L3MBTL4: variants seen among roughly 807,000 people sequenced by gnomAD.
The protein encoded by L3MBTL4 is lethal(3)malignant brain tumor-like protein 4.
L3MBTL4 carries 70 observed loss-of-function variants against 84.5 expected under a neutral mutation model. The ratio of observed to expected loss-of-function variants is 0.83; its 90% CI spans 0.68 to 1.01. The LOEUF is 1.01. Among genes scored for constraint, L3MBTL4 ranks in the 50% least tolerant of loss-of-function variants. The pLI is 0.00. For synonymous variants in L3MBTL4, 274 were observed against 259.8 expected, an observed-to-expected ratio of 1.05 and a Z score of -0.52; for missense variants, 715 against 754.8, an observed-to-expected ratio of 0.95 and a Z score of 0.62.
intron 9 of L3MBTL4, 36 bp downstream of exon 9, chr18:6,239,682 G>A (rs1433614488): frequency 6.3e-7 from 1 of 1,598,820 alleles, no homozygotes; most frequent in East Asian, 2.2e-5. Flanking sequence ...TCAAACATAT[G>A]AATACACAAA....
intron 1 of L3MBTL4, among the ~76,000 whole-genome samples, chr18:6,350,230 AAAG>A (rs1175332627): frequency 2.6e-5 from 4 of 152,238 alleles, no homozygotes; most frequent in African/African-American, 9.6e-5. Flanking sequence ...GCAAGCAACC[AAAG>A]AATAAGTAAA....
chr18:6,407,393 A>AG (rs944182971), intron 1 of L3MBTL4, among the ~76,000 whole-genome samples: 8 of 151,488 alleles, frequency 5.3e-5, no homozygotes, highest in African/African-American at 2.0e-4. Flanking sequence ...TAGAAGAGAA[A>AG]GGGGAAAAAA....
chr18:6,279,781 G>C (rs183581475), intron 4 of L3MBTL4, among the ~76,000 whole-genome samples: 1 of 152,268 alleles, frequency 6.6e-6, no homozygotes, highest in African/African-American at 2.4e-5. Context: ...CCACCTATAT[G>C]AGATGGCAGT....
At chr18:6,276,285 A>T (rs1366799073) in intron 4 of L3MBTL4, among the ~76,000 whole-genome samples, 1 of 152,162 alleles carries the variant, frequency 6.6e-6, no homozygotes, top group Admixed American at 6.5e-5. Flanking sequence ...TGTCATCAGG[A>T]CCTCCTGAGG....
rs567763557 is a variant in L3MBTL4, at chr18:5,964,894, A to C, written c.1614+4499T>G. The stretch of plus-strand genomic sequence containing the variant: ...ATTCATGAACTCATCTACTCACTCG[A>C]ACATTTGTCAAACACCTCTTCTGTG... On this transcript the variant is annotated intron_variant, in intron 17 of 18. Transcript: ENST00000317931. Among the ~76,000 whole-genome samples, 3 of 152,324 alleles carry C rather than the reference A, an allele frequency of 2.0e-5. No individual in the cohort carries two copies. The East Asian group carries it at 5.8e-4, about 29-fold the overall frequency.
intron 16 of L3MBTL4, among the ~76,000 whole-genome samples, chr18:6,016,527 T>C (rs2054989804): frequency 6.6e-6 from 1 of 152,134 alleles, no homozygotes; most frequent in Non-Finnish European, 1.5e-5. Context: ...TTGTGGCCCA[T>C]GAAGGCCAGG....
chr18:6,320,567 C>A (rs1271496921), intron 1 of L3MBTL4, among the ~76,000 whole-genome samples: 2 of 151,870 alleles, frequency 1.3e-5, no homozygotes, highest in African/African-American at 4.8e-5. Context: ...ATGAAGAGAA[C>A]TAAAAAACAC....
intron 13 of L3MBTL4, among the ~76,000 whole-genome samples, chr18:6,154,061 C>A (rs59961872): frequency 0.03 from 4,612 of 152,208 alleles, 257 homozygotes; most frequent in African/African-American, 0.11. Context: ...TCTTTTTCTT[C>A]TCTAATTACT....
chr18:6,316,581 G>C (rs947954967), intron 1 of L3MBTL4, among the ~76,000 whole-genome samples: 4 of 152,170 alleles, frequency 2.6e-5, no homozygotes, highest in African/African-American at 9.7e-5. Flanking sequence ...AGCCTTTCTG[G>C]AACACTTTAG....
At chr18:6,309,155 G>A (rs1434469150) in intron 3 of L3MBTL4, among the ~76,000 whole-genome samples, 1 of 152,160 alleles carries the variant, frequency 6.6e-6, no homozygotes, top group Non-Finnish European at 1.5e-5. Context: ...AACGTCGCTT[G>A]TAAACCAGAA....
chr18:6,020,119 A>C (rs2055182699), intron 16 of L3MBTL4, among the ~76,000 whole-genome samples: 1 of 152,156 alleles, frequency 6.6e-6, no homozygotes, highest in South Asian at 2.1e-4. Flanking sequence ...AGAGTATAAT[A>C]AATGCTATGA....
At chr18:5,994,416 A>C (rs1239597223) in intron 16 of L3MBTL4, among the ~76,000 whole-genome samples, 2 of 152,126 alleles carry the variant, frequency 1.3e-5, no homozygotes, top group Non-Finnish European at 2.9e-5. Context: ...TACTTACCTT[A>C]GATGCTCACA....
rs548515287 is a variant in L3MBTL4, at chr18:5,976,943, C to T, written c.1445-7381G>A. The stretch of plus-strand genomic sequence containing the variant: ...CTGTTTCCTTACCAGGTCTTGTGTC[C>T]TGGCAGGGAGGACTGAGGGAACCGA... On this transcript the variant is annotated intron_variant, in intron 16 of 18. Coordinates refer to ENST00000317931, the MANE Select transcript of L3MBTL4 (RefSeq NM_001330559.2). Among the ~76,000 whole-genome samples the T allele has an allele frequency of 2.6e-5, 4 of 152,248 alleles. No individual in the cohort carries two copies. The East Asian group carries it at 7.7e-4, about 29-fold the overall frequency.
chr18:6,276,435 C>T (rs1014362322), intron 4 of L3MBTL4, among the ~76,000 whole-genome samples: 3 of 152,114 alleles, frequency 2.0e-5, no homozygotes, highest in Non-Finnish European at 2.9e-5. Context: ...ATGGTTCTTG[C>T]CCCTAAAGAG....
chr18:6,192,763 C>A (rs1471144898), intron 12 of L3MBTL4, among the ~76,000 whole-genome samples: 1 of 151,968 alleles, frequency 6.6e-6, no homozygotes, highest in East Asian at 1.9e-4. Flanking sequence ...GTCTCTCTAG[C>A]CATGCCTCAC....
At chr18:5,991,760 C>T (rs888672192) in intron 16 of L3MBTL4, among the ~76,000 whole-genome samples, 28 of 152,090 alleles carry the variant, frequency 1.8e-4, no homozygotes, top group African/African-American at 6.8e-4. Flanking sequence ...TTGGGAGATA[C>T]TTCTGTTCTG....
chr18:6,281,884 C>G (rs1264421946), intron 4 of L3MBTL4, among the ~76,000 whole-genome samples: 1 of 152,170 alleles, frequency 6.6e-6, no homozygotes, highest in Non-Finnish European at 1.5e-5. Context: ...TAAAAACTGG[C>G]TTTAGATAAC....
rs1236174633 is a variant in L3MBTL4, at chr18:6,273,588, C to T, written c.128-9550G>A. Among the ~76,000 whole-genome samples, 4 of 152,128 alleles carry T rather than the reference C, an allele frequency of 2.6e-5. 1 individual carries two copies. The highest frequency in any genetic ancestry group is 2.0e-4 in the Admixed American group (3 of 15,284). On this transcript the variant is annotated intron_variant, in intron 4 of 18. Transcript: ENST00000317931. ...ACTTTCTCCAACAGCTCATGACAGT[C>T]GGAAGTGGGAGCAGGCGGTTACATT...
intron 14 of L3MBTL4, among the ~76,000 whole-genome samples, chr18:6,119,968 A>C (rs940958540): frequency 6.6e-6 from 1 of 152,180 alleles, no homozygotes; most frequent in African/African-American, 2.4e-5. Context: ...CCTAATTCCT[A>C]ATTCAGGGAA....
Sources: gnomAD v4.1 joint callset for allele counts (sites outside exome capture counted in the v4.1 genomes callset) on GRCh38, gnomAD v4.1.1 for gene constraint, MANE v1.5 for transcripts, NCBI Gene and HGNC (gene_info 2026-07-23, HGNC 2026-07-21) for gene names.